The following RALYL variants were observed in gnomAD, a reference collection of about 807,000 sequenced individuals.
RALYL encodes the protein RALY RNA binding protein like.
In RALYL, 29 loss-of-function variants were observed where a neutral mutation model predicts 35.1. That is an observed-to-expected ratio of 0.83 (90% CI 0.61 to 1.13). The LOEUF (loss-of-function observed/expected upper bound fraction) is 1.13. RALYL is among the 50% of genes most tolerant of loss of function. The pLI is 0.00. For missense variants in RALYL, 359 were observed against 360.4 expected, an observed-to-expected ratio of 1.00 and a Z score of 0.03; for synonymous variants, 120 against 127.6, an observed-to-expected ratio of 0.94 and a Z score of 0.40.
intron 2 of RALYL, among the ~76,000 whole-genome samples, chr8:84,728,334 T>C (rs1342741868): frequency 6.6e-6 from 1 of 152,144 alleles, no homozygotes; most frequent in African/African-American, 2.4e-5. Context: ...TCTTTTTCTC[T>C]TGTAAATTTG....
chr8:84,522,312 G>C (rs1053015001), intron 1 of RALYL, among the ~76,000 whole-genome samples: 5 of 150,414 alleles, frequency 3.3e-5, no homozygotes, highest in African/African-American at 9.8e-5. Context: ...TGCAGTGGCG[G>C]GATCTCGGCT....
intron 4 of RALYL, among the ~76,000 whole-genome samples, chr8:84,844,333 G>T (rs1207665362): frequency 6.6e-6 from 1 of 152,272 alleles, no homozygotes; most frequent in African/African-American, 2.4e-5. Flanking sequence ...CTTCTCAAAA[G>T]AAGACATTTA....
chr8:84,773,253 TTG>T (rs1487498721), intron 2 of RALYL, among the ~76,000 whole-genome samples: 7 of 152,340 alleles, frequency 4.6e-5, no homozygotes, highest in Non-Finnish European at 1.0e-4. Flanking sequence ...CCTTACTTTC[TTG>T]CTAGTTTTAT....
At chr8:84,286,451 T>C (rs971427465) in intron 1 of RALYL, among the ~76,000 whole-genome samples, 2 of 152,168 alleles carry the variant, frequency 1.3e-5, no homozygotes, top group East Asian at 3.9e-4. Context: ...TGAACTTGGG[T>C]CCATTTGTCT....
intron 2 of RALYL, among the ~76,000 whole-genome samples, chr8:84,547,410 C>T (rs1301976595): frequency 6.6e-6 from 1 of 151,486 alleles, no homozygotes; most frequent in Non-Finnish European, 1.5e-5. Context: ...CGGAGTCTCG[C>T]TCTGTGGCCA....
intron 1 of RALYL, among the ~76,000 whole-genome samples, chr8:84,325,344 C>G (rs878922341): frequency 1.2e-4 from 19 of 152,186 alleles, no homozygotes; most frequent in Admixed American, 6.5e-4. Flanking sequence ...ACTAATTATA[C>G]TTTCCTCCTA....
At chr8:84,762,505 C>A (rs1257236991) in intron 2 of RALYL, among the ~76,000 whole-genome samples, 3 of 152,088 alleles carry the variant, frequency 2.0e-5, no homozygotes, top group Non-Finnish European at 4.4e-5. Context: ...TGAAAAGAAT[C>A]TTTTTGAAAA....
rs543461066 is a variant in RALYL, at chr8:84,526,489, G to A, written c.-23-2810G>A. ...CACTGCTGCTGGTAGGAACTTGAAT[G>A]ATTCTTGGCCTTCTGCAGTTCTTGG... On this transcript the variant is annotated intron_variant, in intron 1 of 8. Transcript: ENST00000521268. 2.0e-4 allele frequency among the ~76,000 whole-genome samples: 30 copies of A among 152,288 alleles called. No homozygotes were observed. In the South Asian group the frequency reaches 5.8e-3, roughly 29 times the overall value.
At chr8:84,552,363 T>A (rs1447363107) in intron 2 of RALYL, among the ~76,000 whole-genome samples, 32 of 107,394 alleles carry the variant, frequency 3.0e-4, no homozygotes, top group African/African-American at 9.3e-4. Flanking sequence ...TATATATTTT[T>A]TTTTTTTTTT....
intron 1 of RALYL, among the ~76,000 whole-genome samples, chr8:84,275,454 TG>T (rs1234151871): frequency 3.8e-4 from 58 of 151,698 alleles, no homozygotes; most frequent in Admixed American, 3.7e-3. Context: ...TTATGTATTA[TG>T]TACAGCATGA....
intron 1 of RALYL, among the ~76,000 whole-genome samples, chr8:84,498,873 T>C (rs1021795588): frequency 6.6e-6 from 1 of 151,864 alleles, no homozygotes; most frequent in Non-Finnish European, 1.5e-5. Context: ...GAACTAGAAT[T>C]AAAAAAAATC....
At chr8:84,904,272 T>C (rs1846136480) in intron 8 of RALYL, among the ~76,000 whole-genome samples, 1 of 152,136 alleles carries the variant, frequency 6.6e-6, no homozygotes, top group Non-Finnish European at 1.5e-5. Context: ...GATGATATGA[T>C]AGATATTGTA....
At chr8:84,818,962 T>G (rs985820687) in intron 4 of RALYL, among the ~76,000 whole-genome samples, 1 of 152,128 alleles carries the variant, frequency 6.6e-6, no homozygotes, top group Admixed American at 6.5e-5. Context: ...AAGGGAAGGT[T>G]AACAAGAAAT....
At chr8:84,699,028 A>AGATAGATT (rs1488588541) in intron 2 of RALYL, among the ~76,000 whole-genome samples, 1 of 151,956 alleles carries the variant, frequency 6.6e-6, no homozygotes, top group Non-Finnish European at 1.5e-5. Flanking sequence ...ATAGATAGAT[A>AGATAGATT]GATAGATAGA....
chr8:84,357,562 G>A (rs974949138), intron 1 of RALYL, among the ~76,000 whole-genome samples: 4 of 151,776 alleles, frequency 2.6e-5, no homozygotes, highest in Admixed American at 2.0e-4. Context: ...ATTTCAAAGT[G>A]AATTAAGAAA....
chr8:84,673,462 T>C (rs1833636215), intron 2 of RALYL, among the ~76,000 whole-genome samples: 1 of 152,214 alleles, frequency 6.6e-6, no homozygotes. Flanking sequence ...ATATCTTGAA[T>C]GCTATTGCCT....
chr8:84,832,140 C>T (rs1427057), intron 4 of RALYL, among the ~76,000 whole-genome samples: 225 of 152,216 alleles, frequency 1.5e-3, no homozygotes, highest in African/African-American at 5.4e-3. Context: ...TAATATTCCC[C>T]ACTTGTTTTT....
intron 4 of RALYL, among the ~76,000 whole-genome samples, chr8:84,814,253 T>TAG (rs141644257): frequency 6.6e-6 from 1 of 152,066 alleles, no homozygotes; most frequent in African/African-American, 2.4e-5. Context: ...AGCTTTAAAA[T>TAG]AATAAATCTC....
At chr8:84,643,975 G>T (rs543950041) in intron 2 of RALYL, among the ~76,000 whole-genome samples, 1 of 151,970 alleles carries the variant, frequency 6.6e-6, no homozygotes, top group African/African-American at 2.4e-5. Context: ...CTGGAAACTT[G>T]CAGATGGGTC....
Sources: allele counts gnomAD v4.1 joint callset (sites outside exome capture counted in the v4.1 genomes callset), GRCh38; gene constraint gnomAD v4.1.1; transcripts MANE v1.5; gene names NCBI Gene and HGNC (gene_info 2026-07-23, HGNC 2026-07-21).